Variants in CHD6 observed in about 807,000 individuals in gnomAD.
The protein encoded by CHD6 is chromodomain helicase DNA binding protein 6.
In CHD6, 50 loss-of-function variants were observed where a neutral mutation model predicts 276.9. That is an observed-to-expected ratio of 0.18 (90% CI 0.14 to 0.23). The LOEUF (loss-of-function observed/expected upper bound fraction) is 0.23. Among genes scored for constraint, CHD6 ranks in the 10% least tolerant of loss-of-function variants. The probability of loss-of-function intolerance (pLI) is 1.00; values close to 1 mark genes in which losing one functional copy is unlikely to be tolerated. For missense variants in CHD6, 2,564 were observed against 3,365.8 expected, an observed-to-expected ratio of 0.76 and a Z score of 5.89; for synonymous variants, 1,173 against 1,229.3, an observed-to-expected ratio of 0.95 and a Z score of 0.96.
At chr20:41,565,696 A>G (rs2045348108) in intron 1 of CHD6, among the ~76,000 whole-genome samples, 1 of 150,592 alleles carries the variant, frequency 6.6e-6, no homozygotes, top group Non-Finnish European at 1.5e-5. Context: ...CTCTCTTAGT[A>G]CTACATCAAG....
chr20:41,566,154 T>G (rs867054317), intron 1 of CHD6, among the ~76,000 whole-genome samples: 1 of 152,298 alleles, frequency 6.6e-6, no homozygotes, highest in African/African-American at 2.4e-5. Flanking sequence ...ACACCCCACA[T>G]AATTTTCTAA....
chr20:41,421,398 T>G lies in CHD6; in HGVS notation c.5237A>C (p.Gln1746Pro), dbSNP rs1254112511. 2 of 1,614,198 alleles carry G rather than the reference T, an allele frequency of 1.2e-6. No individual in the cohort carries two copies. Among genetic ancestry groups the G allele is most frequent in the African/African-American group, 1.3e-5 (1 of 75,072 alleles). ...TISISKDGNC[Q>P]SGGPEAEIAS... ...TATTTCTGCCTCAGGGCCACCAGAC[T>G]GGCAGTTCCCATCTTTGCTTATTGA... The change falls in exon 31 of 37, where the codon CAG becomes CCG. Residue 1746 changes from glutamine (Q) to proline (P), a missense_variant. Transcript: ENST00000373233.
intron 25 of CHD6, among the ~76,000 whole-genome samples, chr20:41,441,408 C>A (rs1418035653): frequency 6.6e-6 from 1 of 152,146 alleles, no homozygotes; most frequent in East Asian, 1.9e-4. Flanking sequence ...ACAGAAAATT[C>A]CCCAATACTC....
chr20:41,499,505 A>G (rs1418525636), intron 5 of CHD6, 148 bp from the exon 6 acceptor site: 24 of 604,360 alleles, frequency 4.0e-5, no homozygotes, highest in Non-Finnish European at 3.1e-5. Flanking sequence ...AGAGTGGTCA[A>G]AAGGTCACAA....
intron 27 of CHD6, among the ~76,000 whole-genome samples, chr20:41,428,957 A>G (rs2047448775): frequency 6.6e-6 from 1 of 152,200 alleles, no homozygotes; most frequent in Non-Finnish European, 1.5e-5. Flanking sequence ...AACTCACAAG[A>G]AGAAGGTGCT....
intron 19 of CHD6, among the ~76,000 whole-genome samples, chr20:41,455,042 A>G (rs1000598178): frequency 2.0e-5 from 3 of 152,224 alleles, no homozygotes; most frequent in African/African-American, 7.2e-5. Flanking sequence ...CTAGTTTCCT[A>G]TGAAAGAGTT....
intron 17 of CHD6, among the ~76,000 whole-genome samples, chr20:41,463,349 G>C (rs1380188422): frequency 3.9e-5 from 6 of 152,092 alleles, no homozygotes. Context: ...AAAACCAATG[G>C]GTGATACTTT....
chr20:41,475,464 A>G (rs959449040), intron 16 of CHD6, among the ~76,000 whole-genome samples: 4 of 152,222 alleles, frequency 2.6e-5, no homozygotes, highest in African/African-American at 2.4e-5. Context: ...CATAAGGGAC[A>G]CTAGTAAACT....
intron 24 of CHD6, among the ~76,000 whole-genome samples, chr20:41,446,637 T>C (rs1198537403): frequency 1.3e-5 from 2 of 152,202 alleles, no homozygotes; most frequent in East Asian, 3.9e-4. Context: ...TGCTCCCTAC[T>C]AGTCCCAGCT....
chr20:41,496,187 G>A (rs910482049), intron 8 of CHD6, among the ~76,000 whole-genome samples: 4 of 152,228 alleles, frequency 2.6e-5, no homozygotes, highest in African/African-American at 9.6e-5. Context: ...TTGACACGCA[G>A]TAAATGTGTA....
At chr20:41,547,597 C>A in intron 2 of CHD6, 1 of 554,006 alleles carries the variant, frequency 1.8e-6, no homozygotes, top group South Asian at 1.4e-5. Flanking sequence ...CTAAGGATTA[C>A]AGTGAAACTG....
chr20:41,553,818 C>T (rs1312480968), intron 1 of CHD6, among the ~76,000 whole-genome samples: 2 of 152,152 alleles, frequency 1.3e-5, no homozygotes, highest in Admixed American at 6.5e-5. Context: ...AACAATATGT[C>T]TCAAATAAAA....
At chr20:41,522,610 C>A (rs527524332) in intron 3 of CHD6, among the ~76,000 whole-genome samples, 1 of 152,020 alleles carries the variant, frequency 6.6e-6, no homozygotes, top group South Asian at 2.1e-4. Flanking sequence ...GCCTGACATA[C>A]GTAACTTGTT....
intron 1 of CHD6, among the ~76,000 whole-genome samples, chr20:41,558,707 C>A (rs1207789353): frequency 1.3e-5 from 2 of 151,798 alleles, no homozygotes; most frequent in African/African-American, 4.8e-5. Flanking sequence ...TGAGATCCAC[C>A]CTCTCTCCCC....
chr20:41,450,862 G>A, intron 23 of CHD6, 84 bp downstream of exon 23: 1 of 1,235,914 alleles, frequency 8.1e-7, no homozygotes, highest in Non-Finnish European at 1.2e-6. Flanking sequence ...ACAAGAGCAT[G>A]AAGTGCTCTC....
intron 2 of CHD6, among the ~76,000 whole-genome samples, chr20:41,535,625 G>C (rs1172371469): frequency 6.6e-6 from 1 of 152,164 alleles, no homozygotes; most frequent in African/African-American, 2.4e-5. Context: ...TTGGGAGGCT[G>C]AGGTGGGAGA....
At chr20:41,468,404 C>T (rs1292456712) in intron 17 of CHD6, among the ~76,000 whole-genome samples, 1 of 152,170 alleles carries the variant, frequency 6.6e-6, no homozygotes, top group Non-Finnish European at 1.5e-5. Context: ...GCCACCGCGC[C>T]CAGCCCCAAC....
chr20:41,541,068 T>C (rs1291193544), intron 2 of CHD6, among the ~76,000 whole-genome samples: 5 of 151,754 alleles, frequency 3.3e-5, no homozygotes, highest in Non-Finnish European at 5.9e-5. Flanking sequence ...TCAGCTTTTA[T>C]TTTGCTGCAA....
chr20:41,489,930 C>T lies in CHD6; in HGVS notation c.1528G>A (p.Gly510Ser). 3 of 1,613,958 alleles carry T rather than the reference C, an allele frequency of 1.9e-6. No homozygotes were observed. The highest frequency in any genetic ancestry group is 2.5e-6 in the Non-Finnish European group (3 of 1,179,936). ...AGAGGGGCGATAATGAGAAAAGGGC[C>T]GTGGATTCCTCTCAGAAATATTTCT... is the stretch of plus-strand genomic sequence containing the variant. ...LSEIFLRGIH[G>S]PFLIIAPLST... Residue 510 changes from glycine (G) to serine (S), a missense_variant, in exon 12 of 37, where the codon GGC becomes AGC. By Grantham distance (56) the Gly-to-Ser change is moderately conservative (BLOSUM62 0). Transcript: ENST00000373233.
Sources: gnomAD v4.1 joint callset for allele counts (sites outside exome capture counted in the v4.1 genomes callset) on GRCh38, gnomAD v4.1.1 for gene constraint, MANE v1.5 for transcripts, NCBI Gene and HGNC (gene_info 2026-07-23, HGNC 2026-07-21) for gene names.